Variants in PLXNA2 observed in about 807,000 individuals in gnomAD.
The protein encoded by PLXNA2 is plexin-A2.
PLXNA2 carries 91 observed loss-of-function variants against 193.5 expected under a neutral mutation model. That is an observed-to-expected ratio of 0.47 (90% CI 0.40 to 0.56). The LOEUF is 0.56. Among genes scored for constraint, PLXNA2 ranks in the 20% least tolerant of loss-of-function variants. PLXNA2 has a pLI of 0.00. For synonymous variants in PLXNA2, 997 were observed against 1,027.3 expected (o/e 0.97, Z 0.56); for missense variants, 1,995 against 2,503.2 (o/e 0.80, Z 4.33).
At chr1:208,216,496 G>A (rs1572042187) in intron 2 of PLXNA2, among the ~76,000 whole-genome samples, 1 of 152,322 alleles carries the variant, frequency 6.6e-6, no homozygotes, top group South Asian at 2.1e-4. Context: ...AATAGCACCT[G>A]ATGTGATGTA....
chr1:208,214,965 C>T (rs1169229749), intron 2 of PLXNA2, among the ~76,000 whole-genome samples: 6 of 152,218 alleles, frequency 3.9e-5, no homozygotes, highest in Non-Finnish European at 7.4e-5. Flanking sequence ...CTTCCTCTCT[C>T]TCTCTCTCTT....
chr1:208,041,899 C>T (rs1664882550), intron 22 of PLXNA2, among the ~76,000 whole-genome samples, 199 bp downstream of exon 22: 1 of 152,222 alleles, frequency 6.6e-6, no homozygotes, highest in African/African-American at 2.4e-5. Context: ...ACCTGGGTGA[C>T]TTCAGACTCT....
rs1671849068 is a variant in PLXNA2, at chr1:208,236,294, G to A, written c.-81+7349C>T. 6.6e-6 allele frequency among the ~76,000 whole-genome samples: 1 copy of A among 152,182 alleles called. No homozygotes were observed. Among genetic ancestry groups the A allele is most frequent in the Non-Finnish European group, 1.5e-5 (1 of 68,032 alleles). On this transcript the variant is annotated intron_variant, in intron 1 of 31. Transcript: ENST00000367033. This position sits in a 1 kb window ranked among gnomAD's most constrained non-coding sequence, Gnocchi z 4.4. ...GGAGAAAAAAATGGGAAACCGGGGA[G>A]CAGTCAGGGGAGGTGGGAGGTCAGA...
chr1:208,048,872 C>A (rs1336850774), intron 17 of PLXNA2, among the ~76,000 whole-genome samples: 1 of 152,166 alleles, frequency 6.6e-6, no homozygotes, highest in African/African-American at 2.4e-5. Context: ...CCTCCCAGGG[C>A]AAAATCCTAG....
intron 9 of PLXNA2, among the ~76,000 whole-genome samples, chr1:208,087,194 A>C (rs1666559178): frequency 6.6e-6 from 1 of 152,086 alleles, no homozygotes; most frequent in African/African-American, 2.4e-5. Flanking sequence ...GTCTGGGGTT[A>C]GTAAAAAAAG....
At chr1:208,037,890 G>A (rs1157016771) in intron 26 of PLXNA2, among the ~76,000 whole-genome samples, 2 of 146,190 alleles carry the variant, frequency 1.4e-5, no homozygotes, top group African/African-American at 5.1e-5. Context: ...TTTTCCCAAG[G>A]ACACCAGCTA....
At chr1:208,213,987 G>T (rs1671045807) in intron 2 of PLXNA2, among the ~76,000 whole-genome samples, 1 of 152,178 alleles carries the variant, frequency 6.6e-6, no homozygotes, top group South Asian at 2.1e-4. Context: ...GCAGGAATCA[G>T]CAGTTTCCTC....
intron 12 of PLXNA2, among the ~76,000 whole-genome samples, chr1:208,064,307 G>C (rs973772221): frequency 6.6e-6 from 1 of 152,170 alleles, no homozygotes; most frequent in Non-Finnish European, 1.5e-5. Context: ...ACACATACTT[G>C]ACCAGGTTAC....
At chr1:208,055,083 C>T (rs1027447244) in intron 13 of PLXNA2, among the ~76,000 whole-genome samples, 2 of 152,122 alleles carry the variant, frequency 1.3e-5, no homozygotes, top group Non-Finnish European at 2.9e-5. Flanking sequence ...GAGCTCCCTG[C>T]AGAACGGGAG....
chr1:208,183,662 C>T (rs1337761105), intron 3 of PLXNA2, among the ~76,000 whole-genome samples: 2 of 152,086 alleles, frequency 1.3e-5, no homozygotes, highest in African/African-American at 4.8e-5. Context: ...TGCTTATCTA[C>T]CCCTCAGTTT....
At chr1:208,109,393 A>G (rs1417527687) in intron 4 of PLXNA2, among the ~76,000 whole-genome samples, 1 of 152,184 alleles carries the variant, frequency 6.6e-6, no homozygotes, top group Non-Finnish European at 1.5e-5. Context: ...TGTTTTCAAG[A>G]AAAGATCTGA....
intron 3 of PLXNA2, among the ~76,000 whole-genome samples, chr1:208,163,954 C>T (rs1335882807): frequency 6.6e-6 from 1 of 152,222 alleles, no homozygotes; most frequent in African/African-American, 2.4e-5. Flanking sequence ...GGCTTCTCAT[C>T]ACCACCCCCA....
chr1:208,223,217 T>C (rs2102624268), intron 1 of PLXNA2, among the ~76,000 whole-genome samples: 1 of 151,142 alleles, frequency 6.6e-6, no homozygotes, highest in African/African-American at 2.4e-5. Flanking sequence ...ATTATAAGAT[T>C]ATTCCAACCC....
intron 9 of PLXNA2, among the ~76,000 whole-genome samples, chr1:208,087,308 C>T (rs1461963481): frequency 6.6e-6 from 1 of 151,906 alleles, no homozygotes; most frequent in Non-Finnish European, 1.5e-5. Context: ...GTAACACACA[C>T]ACACACTTTC....
At chr1:208,099,203 C>T (rs1667013527) in intron 5 of PLXNA2, among the ~76,000 whole-genome samples, 2 of 152,186 alleles carry the variant, frequency 1.3e-5, no homozygotes, top group Admixed American at 1.3e-4. Context: ...CCAGTTTCGA[C>T]ACAAAGAATT....
chr1:208,118,167 C>A (rs1667696130), intron 4 of PLXNA2, among the ~76,000 whole-genome samples: 1 of 152,298 alleles, frequency 6.6e-6, no homozygotes. Flanking sequence ...AGCTTCAGCA[C>A]CGCATTGTTC....
intron 12 of PLXNA2, among the ~76,000 whole-genome samples, chr1:208,068,610 G>A (rs1207167890): frequency 6.6e-6 from 1 of 152,166 alleles, no homozygotes; most frequent in Non-Finnish European, 1.5e-5. Flanking sequence ...ACCCGCACTC[G>A]GGTCGTGCCT....
chr1:208,209,879 A>C (rs1009590820), intron 3 of PLXNA2: 3 of 238,420 alleles, frequency 1.3e-5, no homozygotes, highest in East Asian at 2.6e-4. Flanking sequence ...AACAAAGACC[A>C]GTATAATCAA....
At chr1:208,185,532 A>T (rs533507813) in intron 3 of PLXNA2, among the ~76,000 whole-genome samples, 1 of 151,994 alleles carries the variant, frequency 6.6e-6, no homozygotes, top group Non-Finnish European at 1.5e-5. Context: ...GATGGTTCCC[A>T]CAAAGACTGC....
Sources: allele counts gnomAD v4.1 joint callset (sites outside exome capture counted in the v4.1 genomes callset), GRCh38; gene constraint gnomAD v4.1.1; non-coding constraint Gnocchi (gnomAD v3.1); transcripts MANE v1.5; gene names NCBI Gene and HGNC (gene_info 2026-07-23, HGNC 2026-07-21).